The following WNK3 variants were observed in gnomAD, a reference collection of about 807,000 sequenced individuals.
The protein encoded by WNK3 is serine/threonine-protein kinase WNK3.
A neutral mutation model predicts 116.7 loss-of-function variants in WNK3; 18 were observed. That is an observed-to-expected ratio of 0.15 (90% confidence interval 0.11 to 0.23). The LOEUF (loss-of-function observed/expected upper bound fraction) is 0.23. Ranked by LOEUF, WNK3 falls within the 10% of genes least tolerant of loss-of-function variation. The pLI, the probability that WNK3 is intolerant of heterozygous loss-of-function variation, is 1.00. For missense variants in WNK3, 993 were observed against 1,323.8 expected, an observed-to-expected ratio of 0.75 and a Z score of 3.88; for synonymous variants, 404 against 469.4, an observed-to-expected ratio of 0.86 and a Z score of 1.80.
At chrX:54,219,852 G>A (rs940892949) in intron 22 of WNK3, among the ~76,000 whole-genome samples, 2 of 110,968 alleles carry the variant, frequency 1.8e-5, no homozygotes, top group Non-Finnish European at 3.8e-5. Context: ...TATAGGAAAA[G>A]AAGTGTGTCT....
exon 24 of WNK3, chrX:54,194,504 T>C: frequency 8.9e-6 from 1 of 112,078 alleles, no homozygotes; most frequent in East Asian, 2.8e-4. Flanking sequence ...ATTCAGGTAC[T>C]TTCTTACCAT....
At chrX:54,352,846 T>A (rs1479768116) in intron 1 of WNK3, among the ~76,000 whole-genome samples, 1 of 111,799 alleles carries the variant, frequency 8.9e-6, no homozygotes, top group Non-Finnish European at 1.9e-5. Context: ...AACTGATAAA[T>A]GGATAAACAA....
chrX:54,251,170 A>G (rs1557154092), intron 15 of WNK3, among the ~76,000 whole-genome samples: 1 of 111,801 alleles, frequency 8.9e-6, no homozygotes, highest in Non-Finnish European at 1.9e-5. Flanking sequence ...TTCTGGTAAC[A>G]TGACCACCCA....
intron 2 of WNK3, among the ~76,000 whole-genome samples, chrX:54,322,368 A>G (rs2069048884): frequency 8.9e-6 from 1 of 111,755 alleles, no homozygotes; most frequent in African/African-American, 3.3e-5. Flanking sequence ...CAGTCTCCCC[A>G]ACTCCCCAAC....
exon 17 of WNK3, chrX:54,249,477 T>C (rs1557153602): frequency 1.7e-6 from 2 of 1,211,879 alleles, no homozygotes; most frequent in Non-Finnish European, 2.2e-6. Flanking sequence ...AAAGTATAGC[T>C]GGCTGCTTGG....
chrX:54,293,064 T>C, intron 9 of WNK3, 27 bp from the exon 10 acceptor site: 1 of 1,198,126 alleles, frequency 8.3e-7, no homozygotes, highest in East Asian at 3.0e-5. Context: ...AAAAAAAGAT[T>C]AAAGATAAAC....
At chrX:54,220,649 C>A (rs781856203) in intron 22 of WNK3, among the ~76,000 whole-genome samples, 1 of 111,541 alleles carries the variant, frequency 9.0e-6, no homozygotes, top group South Asian at 3.8e-4. Context: ...ATGATTTTGC[C>A]TTTCAAATTT....
rs2147117025 is a variant in WNK3, at chrX:54,295,207, T to TC, written c.1399-361_1399-360insG. 2.7e-5 allele frequency among the ~76,000 whole-genome samples: 3 copies of TC among 109,724 alleles called. No individual in the cohort carries two copies. In the East Asian group the frequency reaches 8.5e-4, roughly 31 times the overall value. ...CACCGCGCCCGGCCAATTTTAACTT[T>TC]TTTTTTTTTTACTAGCAGTTATTTT... On this transcript the variant is annotated intron_variant, in intron 7 of 23. Coordinates refer to ENST00000354646, the Ensembl canonical transcript of WNK3.
chrX:54,282,769 G>C (rs1603389582), intron 10 of WNK3, among the ~76,000 whole-genome samples: 1 of 111,742 alleles, frequency 8.9e-6, no homozygotes, highest in South Asian at 3.8e-4. Context: ...TGTCCACATG[G>C]ATAGAATGAA....
intron 2 of WNK3, among the ~76,000 whole-genome samples, chrX:54,318,816 C>T (rs113048799): frequency 0.011 from 1,176 of 109,930 alleles, 14 homozygotes; most frequent in African/African-American, 0.038. Context: ...CTTGCTCTGT[C>T]ATCCAGGCTG....
At chrX:54,256,244 T>G (rs1255554432) in intron 11 of WNK3, among the ~76,000 whole-genome samples, 1 of 111,626 alleles carries the variant, frequency 9.0e-6, no homozygotes, top group Non-Finnish European at 1.9e-5. Flanking sequence ...AGGGTGCTCT[T>G]GATCAGTTTT....
chrX:54,260,783 C>T (rs186546001), intron 10 of WNK3, among the ~76,000 whole-genome samples: 38 of 110,580 alleles, frequency 3.4e-4, no homozygotes, highest in African/African-American at 1.0e-3. Context: ...AGTGCAGTGG[C>T]GTGATCTTGG....
chrX:54,269,434 T>G (rs2068353442), intron 10 of WNK3, among the ~76,000 whole-genome samples: 1 of 111,628 alleles, frequency 9.0e-6, no homozygotes, highest in African/African-American at 3.3e-5. Flanking sequence ...CAGATAAGGA[T>G]GCAGAGTAAA....
chrX:54,349,165 G>A (rs1255316442), intron 1 of WNK3, among the ~76,000 whole-genome samples: 5 of 111,688 alleles, frequency 4.5e-5, no homozygotes, highest in Admixed American at 9.6e-5. Context: ...GCAAAACCCC[G>A]TCTCCACTAA....
At chrX:54,270,745 C>T in intron 10 of WNK3, among the ~76,000 whole-genome samples, 1 of 110,331 alleles carries the variant, frequency 9.1e-6, no homozygotes, top group Middle Eastern at 4.6e-3. Flanking sequence ...CCCCCGACCC[C>T]TCAACAGGCC....
At chrX:54,346,091 CAAT>C (rs782057683) in intron 1 of WNK3, among the ~76,000 whole-genome samples, 197 of 87,977 alleles carry the variant, frequency 2.2e-3, no homozygotes, top group African/African-American at 7.7e-3. Context: ...AAATTTAACT[CAAT>C]GATATATATA....
intron 1 of WNK3, among the ~76,000 whole-genome samples, 193 bp from the exon 2 acceptor site, chrX:54,333,985 GACT>G (rs2069203552): frequency 9.0e-6 from 1 of 111,233 alleles, no homozygotes; most frequent in Non-Finnish European, 1.9e-5. Context: ...GTGTCTAGCA[GACT>G]ACTTAGTATA....
chrX:54,263,864 G>A (rs2068282069), intron 10 of WNK3, among the ~76,000 whole-genome samples: 1 of 109,902 alleles, frequency 9.1e-6, no homozygotes, highest in African/African-American at 3.3e-5. Context: ...TCTTGTATAA[G>A]GCCAATTGTT....
intron 10 of WNK3, among the ~76,000 whole-genome samples, chrX:54,265,752 C>A (rs73477203): frequency 8.0e-5 from 9 of 112,705 alleles, no homozygotes; most frequent in African/African-American, 2.6e-4. Context: ...TACAATTATT[C>A]AAGAGATGAG....
Sources: gnomAD v4.1 joint callset for allele counts (sites outside exome capture counted in the v4.1 genomes callset) on GRCh38, gnomAD v4.1.1 for gene constraint, MANE v1.5 for transcripts, NCBI Gene and HGNC (gene_info 2026-07-23, HGNC 2026-07-21) for gene names.